Variants in LRRC75B observed in about 807,000 individuals in gnomAD.
LRRC75B encodes the protein leucine-rich repeat-containing protein 75B.
Under a neutral mutation model 16.5 loss-of-function variants are expected in LRRC75B, and 20 were observed. The observed-to-expected ratio is 1.21, with a 90% CI of 0.85 to 1.76. LRRC75B has a LOEUF of 1.76. Ranked by LOEUF, LRRC75B falls within the 40% of genes most tolerant of loss-of-function variation. The probability of loss-of-function intolerance (pLI) is 0.00; values close to 1 mark genes in which losing one functional copy is unlikely to be tolerated. For synonymous variants in LRRC75B, 199 were observed against 198.1 expected (o/e 1.00, Z -0.04); for missense variants, 406 against 417.0 (o/e 0.97, Z 0.23).
chr22:24,592,253 GT>G, intron 1 of LRRC75B: 1 of 463,336 alleles, frequency 2.2e-6, no homozygotes, highest in Non-Finnish European at 4.4e-6. Flanking sequence ...ACCGGACCGA[GT>G]GTTGTGATGC....
intron 1 of LRRC75B, chr22:24,592,244 C>T (rs1327416488): frequency 4.3e-6 from 2 of 460,116 alleles, no homozygotes; most frequent in South Asian, 1.6e-5. Context: ...AGAGCCACCA[C>T]CGGACCGAGT....
At chr22:24,587,833 G>A (rs940661456) in intron 3 of LRRC75B, among the ~76,000 whole-genome samples, 11 of 152,254 alleles carry the variant, frequency 7.2e-5, no homozygotes, top group African/African-American at 1.4e-4. Flanking sequence ...AATGAGAATC[G>A]CGATCCAGAA....
At chr22:24,591,962 C>G (rs1411098589) in intron 1 of LRRC75B, among the ~76,000 whole-genome samples, 4 of 152,236 alleles carry the variant, frequency 2.6e-5, no homozygotes, top group African/African-American at 4.8e-5. Context: ...GGCTCTGGCC[C>G]TGGCTTGCCC....
At position 24,585,681 on chromosome 22, in the gene LRRC75B, C is replaced by A. The variant is rs2045373222; in HGVS notation, c.*205G>T. ...GGGGTCCACACTGTGGGTGCTGGGG[C>A]CCCTCCCACTGAGGGAAGGCTGAGC... On this transcript the variant is annotated 3_prime_UTR_variant, in exon 4 of 4. Transcript: ENST00000318753. 2.1e-5 allele frequency: 13 copies of A among 618,472 alleles called. No individual in the cohort carries two copies. The highest frequency in any genetic ancestry group is 3.3e-5 in the Non-Finnish European group (12 of 358,368). The allele number at this position is 618,472 out of a possible 1,614,324, so 38.3% of individuals were successfully genotyped here.
At position 24,586,040 on chromosome 22, in the gene LRRC75B, C is replaced by T. The variant is rs373932134; in HGVS notation, c.794G>A (p.Arg265Gln). The T allele has an allele frequency of 1.3e-4, 210 of 1,611,266 alleles. No individual in the cohort carries two copies. The highest frequency in any genetic ancestry group is 8.3e-4 in the African/African-American group (62 of 75,056). Residue 265 changes from arginine to glutamine, a missense_variant, in exon 4 of 4, where the codon CGG becomes CAG. Coordinates refer to ENST00000318753, the MANE Select transcript of LRRC75B (RefSeq NM_207644.3). ...LPQPLLVGLRRRLSQRTSLPT... is the reference protein window; with the variant it reads ...LPQPLLVGLRQRLSQRTSLPT... ...GAGTGAGGTGCGCTGGCTCAGCCGC[C>T]GGCGCAGGCCGACCAGCAGGGGCTG...
chr22:24,588,305 C>T lies in LRRC75B; in HGVS notation c.331G>A (p.Asp111Asn), dbSNP rs774178607. 1.9e-6 allele frequency: 3 copies of T among 1,613,286 alleles called. No individual in the cohort carries two copies. Among genetic ancestry groups the T allele is most frequent in the South Asian group, 2.2e-5 (2 of 90,696 alleles). Residue 111 changes from aspartate (D) to asparagine (N), a missense_variant, in exon 3 of 4, where the codon GAC (aspartate) becomes AAC (asparagine). By Grantham distance (23) the Asp-to-Asn change is conservative. Transcript: ENST00000318753. ...TAGATGAGCTGTCGGCAGATCTTGT[C>T]CGAGGACTTCCAGAGCTCATAGTCC... is the stretch of plus-strand genomic sequence containing the variant. ...KKDYELWKSS[D>N]KICRQLIYHL...
intron 3 of LRRC75B, among the ~76,000 whole-genome samples, chr22:24,587,603 G>A (rs1294935717): frequency 1.3e-5 from 2 of 152,212 alleles, no homozygotes; most frequent in East Asian, 3.9e-4. Flanking sequence ...CCTGTGGCCA[G>A]CTCTGGACTG....
In LRRC75B at chr22:24,592,979, C is replaced by T. The variant is rs1301010626; in HGVS notation, c.61G>A (p.Ala21Thr). ...PEAGSEAGAA[A>T]GCGPAPYERR... ...TCGTAGGGCGCGGGCCCGCAGCCGG[C>T]CGCCGCCCCGGCCTCAGAGCCAGCC... The change falls in exon 1 of 4, where the codon GCC becomes ACC. Residue 21 changes from alanine to threonine, a missense_variant. Transcript: ENST00000318753. 1 of 1,162,460 alleles carries T rather than the reference C, an allele frequency of 8.6e-7. No homozygotes were observed. The highest frequency in any genetic ancestry group is 1.1e-6 in the Non-Finnish European group (1 of 943,466). 72.0% of individuals were successfully genotyped at this position (1,162,460 alleles called of 1,614,324 possible).
intron 1 of LRRC75B, 51 bp from the exon 2 acceptor site, chr22:24,590,000 G>A (rs577709668): frequency 2.1e-5 from 32 of 1,504,054 alleles, no homozygotes; most frequent in African/African-American, 4.2e-5. Flanking sequence ...CTCCCATCTC[G>A]AGGCACCACC....
rs148559031 is a variant in LRRC75B, at chr22:24,588,336, G to A, written c.307-7C>T. ...ACTTCCAGAGCTCATAGTCCTGTGG[G>A]AGGGCAGTGTCACCATGGTGAATCT... is the stretch of plus-strand genomic sequence containing the variant. On this transcript the variant is annotated splice_region_variant and splice_polypyrimidine_tract_variant and intron_variant, in intron 2 of 3. Transcript: ENST00000318753. The A allele has an allele frequency of 3.4e-5, 54 of 1,605,094 alleles. No homozygotes were observed. In the African/African-American group the frequency reaches 4.5e-4, roughly 13 times the overall value.
chr22:24,585,991 G>T lies in LRRC75B; in HGVS notation c.843C>A (p.Asp281Glu). 6.2e-7 allele frequency: 1 copy of T among 1,610,730 alleles called. No homozygotes were observed. The highest frequency in any genetic ancestry group is 1.7e-5 in the Admixed American group (1 of 60,012). Residue 281 changes from aspartate to glutamate, a missense_variant, in exon 4 of 4, where the codon GAC becomes GAA. Transcript: ENST00000318753. ...TSLPTIYEGL[D>E]LEPEGSAAGA... ...CGGCCGCACTGCCCTCAGGCTCAAG[G>T]TCCAGGCCCTCGTAGATGGTGGGGA...
intron 1 of LRRC75B, chr22:24,592,507 C>G: frequency 4.5e-6 from 2 of 441,412 alleles, no homozygotes; most frequent in South Asian, 3.4e-5. Context: ...CCGGGCCCCT[C>G]CCATCTTGCC....
intron 2 of LRRC75B, 128 bp downstream of exon 2, chr22:24,589,693 C>G: frequency 2.8e-6 from 3 of 1,076,920 alleles, no homozygotes; most frequent in Non-Finnish European, 3.9e-6. Context: ...CAGACAGGGA[C>G]AGTGACTTGC....
chr22:24,592,119 G>T, intron 1 of LRRC75B: 1 of 369,962 alleles, frequency 2.7e-6, no homozygotes, highest in South Asian at 1.9e-5. Context: ...CTGCTGTAGG[G>T]GGTGGGGACG....
At position 24,593,051 on chromosome 22, in the gene LRRC75B, G is replaced by A. The variant is rs1439438662; in HGVS notation, c.-12C>T. On this transcript the variant is annotated 5_prime_UTR_variant, in exon 1 of 4. Transcript: ENST00000318753. ...AGCCGCGCCCCCATGGCCGCCGCGC[G>A]ATGGTCGCCGAACCCACAGGAGGCC... 2 of 1,040,752 alleles carry A rather than the reference G, an allele frequency of 1.9e-6. No homozygotes were observed. Among genetic ancestry groups the A allele is most frequent in the Admixed American group, 5.5e-5 (1 of 18,096 alleles). 64.5% of individuals were successfully genotyped at this position (1,040,752 alleles called of 1,614,324 possible). A position where few individuals can be genotyped will look rare whatever the true frequency, so the allele number is the denominator to read the frequency against.
chr22:24,589,914 G>A lies in LRRC75B; in HGVS notation c.213C>T (p.Ile71=). ...LGLERTLLPD[I]LYRDVAFLNP... ...TGAGGAAGGCCACATCTCTGTAGAG[G>A]ATATCAGGAAGGAGGGTCCTCTCAA... The change falls in exon 2 of 4, where the codon ATC becomes ATT. Residue 71 remains isoleucine, a synonymous_variant. Transcript: ENST00000318753. The A allele has an allele frequency of 6.2e-7, 1 of 1,611,872 alleles. No individual in the cohort carries two copies.
chr22:24,586,014 G>A lies in LRRC75B; in HGVS notation c.820C>T (p.Pro274Ser). The change falls in exon 4 of 4, where the codon CCC becomes TCC. Residue 274 changes from proline to serine, a missense_variant. Transcript: ENST00000318753. Reference protein sequence around the residue: ...RRRLSQRTSLPTIYEGLDLEP... With the variant: ...RRRLSQRTSLSTIYEGLDLEP... The stretch of plus-strand genomic sequence containing the variant: ...AGGTCCAGGCCCTCGTAGATGGTGG[G>A]GAGTGAGGTGCGCTGGCTCAGCCGC... The A allele has an allele frequency of 6.2e-7, 1 of 1,611,120 alleles. No individual in the cohort carries two copies. Among genetic ancestry groups the A allele is most frequent in the Non-Finnish European group, 8.5e-7 (1 of 1,179,906 alleles).
intron 1 of LRRC75B, among the ~76,000 whole-genome samples, chr22:24,591,452 G>A (rs1043637240): frequency 6.6e-6 from 1 of 152,220 alleles, no homozygotes; most frequent in East Asian, 1.9e-4. Context: ...TAGACCCCAT[G>A]TGGGCCTTCT....
chr22:24,586,275 G>C lies in LRRC75B; in HGVS notation c.559C>G (p.Leu187Val). 6.2e-7 allele frequency: 1 copy of C among 1,613,894 alleles called. No homozygotes were observed. The highest frequency in any genetic ancestry group is 8.5e-7 in the Non-Finnish European group (1 of 1,180,048). The part of the protein sequence containing the change: ...SHGAVLAVLD[L>V]SFTGLSDELL... ...TCATCACTCAGCCCCGTGAAGCTCA[G>C]GTCCAGCACCGCCAGCACAGCACCA... Residue 187 changes from leucine (L) to valine (V), a missense_variant, in exon 4 of 4, where the codon CTG becomes GTG. Leu to Val is a conservative substitution (Grantham distance 32). Coordinates refer to ENST00000318753, the MANE Select transcript of LRRC75B (RefSeq NM_207644.3).
Sources: allele counts gnomAD v4.1 joint callset (sites outside exome capture counted in the v4.1 genomes callset), GRCh38; gene constraint gnomAD v4.1.1; transcripts MANE v1.5; gene names NCBI Gene and HGNC (gene_info 2026-07-23, HGNC 2026-07-21).